The following DMXL1 variants were observed in gnomAD, a reference collection of about 807,000 sequenced individuals.
DMXL1 encodes the protein Dmx like 1, also known as dmX-like protein 1.
In DMXL1, 99 loss-of-function variants were observed where a neutral mutation model predicts 319.2. The ratio of observed to expected loss-of-function variants is 0.31; its 90% CI spans 0.26 to 0.37. The LOEUF is 0.37. Ranked by LOEUF, DMXL1 falls within the 10% of genes least tolerant of loss-of-function variation. The pLI, the probability that DMXL1 is intolerant of heterozygous loss-of-function variation, is 1.00. For missense variants in DMXL1, 3,745 were observed against 3,595.6 expected (o/e 1.04, Z -1.06); for synonymous variants, 1,385 against 1,235.2 (o/e 1.12, Z -2.54).
intron 25 of DMXL1, among the ~76,000 whole-genome samples, chr5:119,174,286 A>G (rs1379352918): frequency 3.9e-5 from 6 of 152,128 alleles, no homozygotes; most frequent in Non-Finnish European, 8.8e-5. Flanking sequence ...GCAAGAATAG[A>G]ATTTGCAAGG....
rs1486986294 is a variant in DMXL1 at position 119,133,368 on chromosome 5, A to G, written c.1552A>G (p.Met518Val). 9 of 1,612,270 alleles carry G rather than the reference A, an allele frequency of 5.6e-6. No individual in the cohort carries two copies. The highest frequency in any genetic ancestry group is 5.1e-6 in the Non-Finnish European group (6 of 1,178,500). ...VDWLDEYQPG[M>V]FRQVQVSFVS... ...TTGGCTGGATGAATACCAGCCTGGT[A>G]TGTTTCGTCAAGTACAGGTACTACT... Residue 518 changes from methionine (M) to valine (V), a missense_variant, in exon 11 of 44, where the codon ATG becomes GTG. Met to Val is a conservative substitution (Grantham distance 21). Transcript: ENST00000539542.
At position 119,089,999 on chromosome 5, in the gene DMXL1, C is replaced by CTTTTTTTTTTTTT. The variant is rs70982467; in HGVS notation, c.88-7954_88-7942dup. ...TGATTATTTTATGCTTCGGGTTAGT[C>CTTTTTTTTTTTTT]TTTTTTTTTTTTTTTTTTTTTTTTT... On this transcript the variant is annotated intron_variant, in intron 1 of 43. Transcript: ENST00000539542. 1.8e-3 allele frequency among the ~76,000 whole-genome samples: 61 copies of CTTTTTTTTTTTTT among 34,402 alleles called. 22 individuals carry two copies. The highest frequency in any genetic ancestry group is 2.3e-3 in the Non-Finnish European group (43 of 18,760). The allele number at this position is 34,402 out of a possible 152,430, so 22.6% of individuals were successfully genotyped here.
At chr5:119,113,595 T>A (rs188557908) in intron 5 of DMXL1, among the ~76,000 whole-genome samples, 9 of 152,238 alleles carry the variant, frequency 5.9e-5, no homozygotes, top group African/African-American at 2.2e-4. Context: ...TAGCCCTACT[T>A]TTCCCACCTT....
Position 119,247,425 on chromosome 5 carries a change from G to C in DMXL1, c.*206G>C. The C allele has an allele frequency of 2.2e-6, 1 of 457,342 alleles. No homozygotes were observed. Among genetic ancestry groups the C allele is most frequent in the Non-Finnish European group, 3.9e-6 (1 of 253,196 alleles). The allele number at this position is 457,342 out of a possible 1,614,324, so 28.3% of individuals were successfully genotyped here. On this transcript the variant is annotated 3_prime_UTR_variant, in exon 44 of 44. Transcript: ENST00000539542. ...GATTACATTGCCTAAAGTAGAATGT[G>C]TAAGTAATGCTGTAATAATACATAT... is the stretch of plus-strand genomic sequence containing the variant.
At chr5:119,201,300 C>G (rs1780665681) in intron 32 of DMXL1, among the ~76,000 whole-genome samples, 1 of 152,008 alleles carries the variant, frequency 6.6e-6, no homozygotes, top group South Asian at 2.1e-4. Context: ...TTATCAAAAG[C>G]CTTTTCTTCA....
At chr5:119,168,897 C>T (rs1036159055) in intron 23 of DMXL1, among the ~76,000 whole-genome samples, 2 of 151,546 alleles carry the variant, frequency 1.3e-5, no homozygotes, top group African/African-American at 4.9e-5. Context: ...TGTCTTTTCT[C>T]TTTTCTTTCT....
intron 13 of DMXL1, among the ~76,000 whole-genome samples, chr5:119,139,271 C>T: frequency 6.6e-6 from 1 of 152,176 alleles, no homozygotes; most frequent in East Asian, 1.9e-4. Flanking sequence ...ATCAGATCCA[C>T]ACATGTCAGT....
At chr5:119,156,563 C>T (rs911147714) in intron 19 of DMXL1, among the ~76,000 whole-genome samples, 7 of 152,062 alleles carry the variant, frequency 4.6e-5, no homozygotes, top group African/African-American at 2.4e-5. Flanking sequence ...CATTGGAGTG[C>T]AGCTATCTCT....
chr5:119,194,541 C>T (rs1779270369), intron 30 of DMXL1, among the ~76,000 whole-genome samples: 1 of 152,062 alleles, frequency 6.6e-6, no homozygotes, highest in Non-Finnish European at 1.5e-5. Context: ...TTTACTAAAA[C>T]ATGGTATGTT....
Position 119,220,082 on chromosome 5 carries a change from T to A in DMXL1, c.8014-390T>A, listed in dbSNP as rs1482956690. On this transcript the variant is annotated intron_variant, in intron 35 of 43. Coordinates refer to ENST00000539542, the MANE Select transcript of DMXL1 (RefSeq NM_001290321.3). Reference sequence around the variant, plus strand: ...GTTTTATTTAAATAATTAATAATTATGTTTTTAGTTTGGAGTTCCTTATTG... The same window carrying A: ...GTTTTATTTAAATAATTAATAATTAAGTTTTTAGTTTGGAGTTCCTTATTG... Among the ~76,000 whole-genome samples the A allele has an allele frequency of 2.6e-5, 4 of 151,958 alleles. No homozygotes were observed. The East Asian group carries it at 7.7e-4, about 29-fold the overall frequency.
chr5:119,072,528 C>CT (rs1478482707), intron 1 of DMXL1, among the ~76,000 whole-genome samples: 1 of 151,974 alleles, frequency 6.6e-6, no homozygotes, highest in Non-Finnish European at 1.5e-5. Flanking sequence ...GTGCTGTAGG[C>CT]TTTTTTCTTT....
In DMXL1 at chr5:119,170,619, A is replaced by G. The variant is rs1207625505; in HGVS notation, c.5828A>G (p.Gln1943Arg). 1 of 1,613,782 alleles carries G rather than the reference A, an allele frequency of 6.2e-7. No individual in the cohort carries two copies. The highest frequency in any genetic ancestry group is 1.1e-5 in the South Asian group (1 of 91,054). The stretch of plus-strand genomic sequence containing the variant: ...TCTTCAGAGGGTTCCTCAGAGAAGC[A>G]ATCAAACTCCACTCTTTCTTTTGAC... ...GSSSEGSSEK[Q>R]SNSTLSFDWS... The change falls in exon 24 of 44, where the codon CAA becomes CGA. Residue 1943 changes from glutamine (Q) to arginine (R), a missense_variant. Gln to Arg is a conservative substitution (Grantham distance 43). Coordinates refer to ENST00000539542, the MANE Select transcript of DMXL1 (RefSeq NM_001290321.3).
At chr5:119,097,426 G>A (rs1756220675) in intron 1 of DMXL1, among the ~76,000 whole-genome samples, 1 of 152,092 alleles carries the variant, frequency 6.6e-6, no homozygotes. Flanking sequence ...CACTGGAGAT[G>A]AAAAAAGTGA....
At position 119,220,047 on chromosome 5, in the gene DMXL1, G is replaced by T. The variant is rs148454313; in HGVS notation, c.8014-425G>T. On this transcript the variant is annotated intron_variant, in intron 35 of 43. Coordinates refer to ENST00000539542, the MANE Select transcript of DMXL1 (RefSeq NM_001290321.3). ...TTTGCCTAAGATTGAAAAGCTTTAG[G>T]AGAAAGTTTGTTTTATTTAAATAAT... 5.3e-5 allele frequency among the ~76,000 whole-genome samples: 8 copies of T among 149,800 alleles called. No individual in the cohort carries two copies. In the East Asian group the frequency reaches 1.6e-3, roughly 29 times the overall value.
At chr5:119,222,912 C>G (rs1418313401) in intron 37 of DMXL1, among the ~76,000 whole-genome samples, 1 of 152,046 alleles carries the variant, frequency 6.6e-6, no homozygotes, top group East Asian at 1.9e-4. Context: ...CCATTCACAT[C>G]TCAACTCAAA....
At chr5:119,235,267 A>T (rs918309872) in intron 39 of DMXL1, among the ~76,000 whole-genome samples, 1 of 152,204 alleles carries the variant, frequency 6.6e-6, no homozygotes, top group Admixed American at 6.6e-5. Context: ...ACCTATGAGG[A>T]CTAATTCCTC....
chr5:119,132,859 G>A (rs1298841284), intron 10 of DMXL1: 15 of 565,342 alleles, frequency 2.7e-5, no homozygotes, highest in South Asian at 2.3e-4. Context: ...TTTCATCTGT[G>A]CAAGGGCAAA....
intron 5 of DMXL1, among the ~76,000 whole-genome samples, chr5:119,111,440 A>T (rs1006200641): frequency 6.6e-6 from 1 of 152,218 alleles, no homozygotes; most frequent in Non-Finnish European, 1.5e-5. Context: ...AAAAAATATT[A>T]ATTTTGCCTG....
chr5:119,093,532 C>G (rs950602560), intron 1 of DMXL1, among the ~76,000 whole-genome samples: 1 of 152,194 alleles, frequency 6.6e-6, no homozygotes, highest in African/African-American at 2.4e-5. Flanking sequence ...TCAGACCTCC[C>G]TATTCACTGA....
Sources: gnomAD v4.1 joint callset for allele counts (sites outside exome capture counted in the v4.1 genomes callset) on GRCh38, gnomAD v4.1.1 for gene constraint, MANE v1.5 for transcripts, NCBI Gene and HGNC (gene_info 2026-07-23, HGNC 2026-07-21) for gene names.